The following ATP11B variants were observed in gnomAD, a reference collection of about 807,000 sequenced individuals.
ATP11B encodes the protein ATPase phospholipid transporting 11B (putative).
ATP11B carries 81 observed loss-of-function variants against 157.8 expected under a neutral mutation model. The observed-to-expected ratio is 0.51, with a 90% CI of 0.43 to 0.62. The LOEUF is 0.62. ATP11B is among the 20% of genes least tolerant of loss of function. The pLI is 0.00. For missense variants in ATP11B, 1,165 were observed against 1,402.2 expected, an observed-to-expected ratio of 0.83 and a Z score of 2.70; for synonymous variants, 451 against 469.4, an observed-to-expected ratio of 0.96 and a Z score of 0.51.
chr3:182,908,642 A>G (rs1724557586), intron 28 of ATP11B: 3 of 152,228 alleles, frequency 2.0e-5, no homozygotes, highest in Non-Finnish European at 4.4e-5. Flanking sequence ...AGAAGAGTGA[A>G]TATGAGCTTG....
chr3:182,885,071 G>C (rs1321027304), intron 22 of ATP11B, among the ~76,000 whole-genome samples, 173 bp downstream of exon 22: 1 of 151,986 alleles, frequency 6.6e-6, no homozygotes, highest in Non-Finnish European at 1.5e-5. Context: ...GGTTGCCTGG[G>C]GCCCAGGGGT....
chr3:182,829,448 A>G (rs1387675594), intron 3 of ATP11B, among the ~76,000 whole-genome samples: 1 of 152,172 alleles, frequency 6.6e-6, no homozygotes, highest in African/African-American at 2.4e-5. Flanking sequence ...GCGAATATTG[A>G]AGAACTTTGT....
At chr3:182,843,235 T>C (rs1162326615) in intron 8 of ATP11B, among the ~76,000 whole-genome samples, 1 of 152,258 alleles carries the variant, frequency 6.6e-6, no homozygotes, top group Non-Finnish European at 1.5e-5. Flanking sequence ...CATCTGCTAG[T>C]AATTTGTGGC....
intron 8 of ATP11B, among the ~76,000 whole-genome samples, chr3:182,842,647 C>T (rs542584689): frequency 4.2e-4 from 64 of 152,164 alleles, no homozygotes; most frequent in African/African-American, 1.4e-3. Flanking sequence ...TAGAGTCCTA[C>T]CTTGGGGTGA....
Position 182,886,020 on chromosome 3 carries a change from T to C in ATP11B, c.2715+10T>C. On this transcript the variant is annotated intron_variant, in intron 23 of 29. Coordinates refer to ENST00000323116, the MANE Select transcript of ATP11B (RefSeq NM_014616.3). The stretch of plus-strand genomic sequence containing the variant: ...TTTGTTTTCTCAGCAAGTAAGTAAA[T>C]AGAAACTTGTGTTTTGTGTTTTGTC... The C allele has an allele frequency of 6.8e-7, 1 of 1,474,396 alleles. No individual in the cohort carries two copies. The highest frequency in any genetic ancestry group is 8.9e-7 in the Non-Finnish European group (1 of 1,117,604). The allele number at this position is 1,474,396 out of a possible 1,614,324, so 91.3% of individuals were successfully genotyped here.
intron 9 of ATP11B, 45 bp downstream of exon 9, chr3:182,845,567 G>T: frequency 7.7e-7 from 1 of 1,292,302 alleles, no homozygotes; most frequent in Non-Finnish European, 1.1e-6. Flanking sequence ...TTGTGTTGAT[G>T]CTTTATATGA....
At chr3:182,891,941 T>C (rs1308738342) in intron 25 of ATP11B, among the ~76,000 whole-genome samples, 2 of 152,210 alleles carry the variant, frequency 1.3e-5, no homozygotes, top group Admixed American at 1.3e-4. Flanking sequence ...AAATGACATA[T>C]TATTTGTAGA....
At chr3:182,800,707 G>T (rs1047057769) in intron 1 of ATP11B, among the ~76,000 whole-genome samples, 1 of 151,836 alleles carries the variant, frequency 6.6e-6, no homozygotes, top group East Asian at 1.9e-4. Flanking sequence ...TTTTTTTGCT[G>T]ACTGGCTCAC....
intron 8 of ATP11B, chr3:182,844,544 G>A: frequency 1.0e-6 from 1 of 983,966 alleles, no homozygotes. Context: ...TCTCCTTTAT[G>A]GAGAGAAATT....
intron 28 of ATP11B, among the ~76,000 whole-genome samples, chr3:182,905,494 G>T (rs1348471348): frequency 6.6e-6 from 1 of 152,142 alleles, no homozygotes; most frequent in Non-Finnish European, 1.5e-5. Flanking sequence ...AAATCTTGGT[G>T]GCAAATGAAT....
At chr3:182,848,718 C>T (rs1719734495) in intron 10 of ATP11B, among the ~76,000 whole-genome samples, 161 bp downstream of exon 10, 1 of 151,618 alleles carries the variant, frequency 6.6e-6, no homozygotes, top group Non-Finnish European at 1.5e-5. Flanking sequence ...TAACATTTTG[C>T]ACAGTATTGG....
chr3:182,903,487 C>CT (rs1395669185), intron 28 of ATP11B, among the ~76,000 whole-genome samples: 1 of 152,044 alleles, frequency 6.6e-6, no homozygotes, highest in Non-Finnish European at 1.5e-5. Context: ...TTATAAAACT[C>CT]TATGAGTTCA....
At chr3:182,907,568 A>G (rs1287297063) in intron 28 of ATP11B, among the ~76,000 whole-genome samples, 1 of 152,244 alleles carries the variant, frequency 6.6e-6, no homozygotes, top group Non-Finnish European at 1.5e-5. Flanking sequence ...GGTATGCTTC[A>G]TATGATTATA....
chr3:182,906,345 A>C (rs1177681900), intron 28 of ATP11B, among the ~76,000 whole-genome samples: 1 of 152,204 alleles, frequency 6.6e-6, no homozygotes, highest in Non-Finnish European at 1.5e-5. Context: ...TACTTATCTA[A>C]GTCACCTCTT....
intron 4 of ATP11B, among the ~76,000 whole-genome samples, chr3:182,831,576 A>AT (rs11435937): frequency 0.61 from 91,305 of 149,032 alleles, 29,183 homozygotes; most frequent in Non-Finnish European, 0.73. Flanking sequence ...ATTTCCTACC[A>AT]TTTTTTTTTT....
Position 182,793,724 on chromosome 3 carries a change from C to CT in ATP11B, c.-36_-35insT. On this transcript the variant is annotated 5_prime_UTR_variant, in exon 1 of 30. Coordinates refer to ENST00000323116, the MANE Select transcript of ATP11B (RefSeq NM_014616.3). ...CCTCCACCTGCAGCCCCGCGGCCCC[C>CT]GCGCCCCGCGGGACCCGGACGGCGA... is the stretch of plus-strand genomic sequence containing the variant. 1 of 1,398,598 alleles carries CT rather than the reference C, an allele frequency of 7.2e-7. No homozygotes were observed. Among genetic ancestry groups the CT allele is most frequent in the Non-Finnish European group, 9.4e-7 (1 of 1,068,646 alleles). 86.6% of individuals were successfully genotyped at this position (1,398,598 alleles called of 1,614,324 possible). A position where few individuals can be genotyped will look rare whatever the true frequency, so the allele number is the denominator to read the frequency against.
chr3:182,886,872 C>A (rs563115040), intron 23 of ATP11B, among the ~76,000 whole-genome samples: 114 of 152,228 alleles, frequency 7.5e-4, no homozygotes, highest in African/African-American at 2.6e-3. Flanking sequence ...CTCTAAATTC[C>A]AAATATTTGC....
intron 24 of ATP11B, among the ~76,000 whole-genome samples, chr3:182,889,063 A>G (rs1222010504): frequency 6.6e-6 from 1 of 151,786 alleles, no homozygotes; most frequent in Non-Finnish European, 1.5e-5. Context: ...GGATTTCACC[A>G]TGTTGGCCAG....
chr3:182,901,341 A>C (rs1311573697), intron 28 of ATP11B, among the ~76,000 whole-genome samples: 2 of 140,340 alleles, frequency 1.4e-5, no homozygotes, highest in Non-Finnish European at 3.1e-5. Flanking sequence ...TCCGTCTCAC[A>C]AAAAAAAAAA....
Sources: allele counts gnomAD v4.1 joint callset (sites outside exome capture counted in the v4.1 genomes callset), GRCh38; gene constraint gnomAD v4.1.1; transcripts MANE v1.5; gene names NCBI Gene and HGNC (gene_info 2026-07-23, HGNC 2026-07-21).